Variants in SAMD5 observed in about 807,000 individuals in gnomAD.
The protein encoded by SAMD5 is sterile alpha motif domain-containing protein 5.
SAMD5 carries 13 observed loss-of-function variants against 11.3 expected under a neutral mutation model. That is an observed-to-expected ratio of 1.15 (90% CI 0.75 to 1.83). The LOEUF is 1.83. SAMD5 is among the 40% of genes most tolerant of loss of function. The pLI is 0.00. For missense variants in SAMD5, 255 were observed against 239.1 expected (o/e 1.07, Z -0.44); for synonymous variants, 129 against 111.3 (o/e 1.16, Z -1.00).
intron 1 of SAMD5, among the ~76,000 whole-genome samples, chr6:147,619,177 A>G (rs953432584): frequency 3.3e-5 from 5 of 152,244 alleles, no homozygotes; most frequent in Non-Finnish European, 5.9e-5. Context: ...CGTGACGTGC[A>G]CAAGACATCT....
chr6:147,580,659 T>G (rs1017530997), intron 1 of SAMD5, among the ~76,000 whole-genome samples: 4 of 152,208 alleles, frequency 2.6e-5, no homozygotes, highest in African/African-American at 9.6e-5. Context: ...TAAATAGTCA[T>G]GTATGGCCAG....
At chr6:147,840,334 A>T in the SAMD5 span, among the ~76,000 whole-genome samples, 4 of 152,246 alleles carry the variant, frequency 2.6e-5, no homozygotes, top group Non-Finnish European at 4.4e-5. Flanking sequence ...AAACATATAC[A>T]ATCTTTTAGG....
the SAMD5 span, among the ~76,000 whole-genome samples, chr6:147,927,934 T>C: frequency 6.6e-6 from 1 of 152,216 alleles, no homozygotes; most frequent in South Asian, 2.1e-4. Flanking sequence ...TGTGTGGTTT[T>C]TGTCTTTAGT....
chr6:147,656,900 G>GTA (rs2128453945), intron 1 of SAMD5, among the ~76,000 whole-genome samples: 2 of 310 alleles, frequency 6.5e-3, no homozygotes, highest in African/African-American at 0.031. Context: ...TACAGTATAC[G>GTA]TGTGTGTGTG....
chr6:147,694,364 C>T (rs1791145645), intron 1 of SAMD5, among the ~76,000 whole-genome samples: 1 of 152,188 alleles, frequency 6.6e-6, no homozygotes, highest in South Asian at 2.1e-4. Flanking sequence ...TCATGACTGG[C>T]ATAATCTGTT....
intron 1 of SAMD5, among the ~76,000 whole-genome samples, chr6:147,589,012 C>T (rs1299707859): frequency 6.6e-6 from 1 of 151,950 alleles, no homozygotes; most frequent in Non-Finnish European, 1.5e-5. Flanking sequence ...GGCTGGCGTG[C>T]AGTGGCACAG....
At chr6:147,534,537 T>C (rs1788479111) in intron 1 of SAMD5, among the ~76,000 whole-genome samples, 1 of 152,106 alleles carries the variant, frequency 6.6e-6, no homozygotes, top group Admixed American at 6.6e-5. Flanking sequence ...CTCAAGTCAG[T>C]CTCCCCGAGC....
the SAMD5 span, among the ~76,000 whole-genome samples, chr6:147,824,931 A>G: frequency 6.6e-6 from 1 of 152,106 alleles, no homozygotes; most frequent in African/African-American, 2.4e-5. Flanking sequence ...GTAGTTTATT[A>G]ATTTCGTTTT....
chr6:147,715,592 G>T (rs748892335), intron 1 of SAMD5, among the ~76,000 whole-genome samples: 1 of 152,154 alleles, frequency 6.6e-6, no homozygotes, highest in African/African-American at 2.4e-5. Flanking sequence ...ACATTGAGGC[G>T]AGCAAGGGGC....
At chr6:147,627,719 C>T (rs1438838731) in intron 1 of SAMD5, among the ~76,000 whole-genome samples, 1 of 152,104 alleles carries the variant, frequency 6.6e-6, no homozygotes, top group Non-Finnish European at 1.5e-5. Context: ...TTGCAGTGCT[C>T]TCTAGTAAAT....
At chr6:147,893,203 GA>G in the SAMD5 span, among the ~76,000 whole-genome samples, 987 of 130,520 alleles carry the variant, frequency 7.6e-3, 7 homozygotes, top group African/African-American at 0.016. Context: ...ACTCTGTCTA[GA>G]AAAAAAAAAA....
At chr6:147,847,014 A>C in the SAMD5 span, among the ~76,000 whole-genome samples, 1 of 152,232 alleles carries the variant, frequency 6.6e-6, no homozygotes, top group Non-Finnish European at 1.5e-5. Context: ...GATATCAAGA[A>C]GTTAAATAAC....
Position 147,523,533 on chromosome 6 carries a change from T to C in SAMD5, c.459+14146T>C, listed in dbSNP as rs1202198166. Among the ~76,000 whole-genome samples the C allele has an allele frequency of 1.4e-4, 21 of 152,222 alleles. No homozygotes were observed. The South Asian group carries it at 3.9e-3, about 29-fold the overall frequency. ...TATAGCCACTTTAAACAACAATGTA[T>C]CAATACAGAATGGAACACTGCTATA... On this transcript the variant is annotated intron_variant, in intron 1 of 1. Coordinates refer to ENST00000367474, the MANE Select transcript of SAMD5 (RefSeq NM_001030060.3).
chr6:147,577,841 T>C (rs535568694), intron 1 of SAMD5, among the ~76,000 whole-genome samples: 2 of 152,300 alleles, frequency 1.3e-5, no homozygotes, highest in African/African-American at 4.8e-5. Flanking sequence ...AAAAAGGCTG[T>C]AGCAACTGAA....
chr6:147,870,503 G>GT, the SAMD5 span, among the ~76,000 whole-genome samples: 1 of 143,782 alleles, frequency 7.0e-6, no homozygotes. Context: ...TGTATATATT[G>GT]CTATTAATAC....
At chr6:147,892,032 C>T in the SAMD5 span, among the ~76,000 whole-genome samples, 4 of 152,238 alleles carry the variant, frequency 2.6e-5, no homozygotes, top group African/African-American at 9.6e-5. Context: ...AGTCCAGTCA[C>T]ATTGCACGGC....
intron 1 of SAMD5, among the ~76,000 whole-genome samples, chr6:147,736,682 G>A (rs536103246): frequency 7.9e-5 from 12 of 152,272 alleles, no homozygotes; most frequent in African/African-American, 2.9e-4. Context: ...GGCCATTTCA[G>A]ATAGGCTGAA....
At chr6:147,589,054 C>T (rs745492024) in intron 1 of SAMD5, among the ~76,000 whole-genome samples, 15 of 151,932 alleles carry the variant, frequency 9.9e-5, no homozygotes, top group African/African-American at 2.2e-4. Flanking sequence ...ACCTCCTGGG[C>T]GCAAGTGATC....
intron 1 of SAMD5, among the ~76,000 whole-genome samples, chr6:147,623,379 A>C (rs1307190397): frequency 6.6e-6 from 1 of 152,240 alleles, no homozygotes; most frequent in African/African-American, 2.4e-5. Context: ...TAGTCAAGTC[A>C]CTACTTGATT....
Sources: gnomAD v4.1 joint callset for allele counts (sites outside exome capture counted in the v4.1 genomes callset) on GRCh38, gnomAD v4.1.1 for gene constraint, MANE v1.5 for transcripts, NCBI Gene and HGNC (gene_info 2026-07-23, HGNC 2026-07-21) for gene names.